TANGO6: variants seen among roughly 807,000 people sequenced by gnomAD.
The protein encoded by TANGO6 is transport and Golgi organization protein 6 homolog.
Under a neutral mutation model 114.2 loss-of-function variants are expected in TANGO6, and 90 were observed. That is an observed-to-expected ratio of 0.79 (90% confidence interval 0.66 to 0.94). The LOEUF (loss-of-function observed/expected upper bound fraction) is 0.94, where lower values mean the gene tolerates loss of function less well. Among genes scored for constraint, TANGO6 ranks in the 40% least tolerant of loss-of-function variants. The pLI, the probability that TANGO6 is intolerant of heterozygous loss-of-function variation, is 0.00. For synonymous variants in TANGO6, 477 were observed against 509.8 expected, an observed-to-expected ratio of 0.94 and a Z score of 0.87; for missense variants, 1,274 against 1,315.3, an observed-to-expected ratio of 0.97 and a Z score of 0.49.
intron 12 of TANGO6, among the ~76,000 whole-genome samples, chr16:68,924,855 A>C (rs1220137584): frequency 6.6e-6 from 1 of 151,874 alleles, no homozygotes; most frequent in Non-Finnish European, 1.5e-5. Context: ...TTCCCTGGAC[A>C]ACCCCAGGGG....
At chr16:69,019,717 T>G in intron 15 of TANGO6, among the ~76,000 whole-genome samples, 1 of 151,050 alleles carries the variant, frequency 6.6e-6, no homozygotes, top group East Asian at 1.9e-4. Flanking sequence ...CATTTTAGTT[T>G]TGTAGAGACA....
At chr16:68,955,570 G>T (rs996976061) in intron 14 of TANGO6, among the ~76,000 whole-genome samples, 13 of 152,124 alleles carry the variant, frequency 8.5e-5, no homozygotes, top group Admixed American at 2.6e-4. Flanking sequence ...GGGTCACTGG[G>T]TCAAAAATTG....
intron 7 of TANGO6, among the ~76,000 whole-genome samples, chr16:68,896,824 T>TA (rs375120099): frequency 6.6e-6 from 1 of 151,984 alleles, no homozygotes; most frequent in Admixed American, 6.6e-5. Flanking sequence ...TCTTTTCACT[T>TA]AAAAAAAAGT....
At chr16:69,009,167 C>T (rs1177953909) in intron 15 of TANGO6, among the ~76,000 whole-genome samples, 5 of 147,732 alleles carry the variant, frequency 3.4e-5, no homozygotes, top group African/African-American at 1.0e-4. Flanking sequence ...CTGAAATCTC[C>T]GCCTCACAGG....
chr16:68,882,445 C>T lies in TANGO6; in HGVS notation c.1377+1815C>T, dbSNP rs1050421142. On this transcript the variant is annotated intron_variant, in intron 7 of 17. Transcript: ENST00000261778. ...CTGGAAGGCAGAGCTTGCAGTGAGC[C>T]GAGATCGCACCACTGCACTCCAGCC... Among the ~76,000 whole-genome samples the T allele has an allele frequency of 4.6e-5, 7 of 151,226 alleles. No homozygotes were observed. In the East Asian group the frequency reaches 5.9e-4, roughly 13 times the overall value.
chr16:69,063,564 TA>T (rs1482384138), intron 17 of TANGO6, among the ~76,000 whole-genome samples: 3 of 127,992 alleles, frequency 2.3e-5, no homozygotes, highest in African/African-American at 5.8e-5. Flanking sequence ...GGGGCACCTG[TA>T]ATCCCAGCTA....
intron 17 of TANGO6, among the ~76,000 whole-genome samples, chr16:69,082,616 G>A (rs754787887): frequency 5.2e-4 from 79 of 152,002 alleles, no homozygotes; most frequent in Non-Finnish European, 8.1e-4. Context: ...GTGGTGGTGC[G>A]CACCTGTAGT....
At chr16:68,923,199 C>G (rs1337495769) in intron 12 of TANGO6, among the ~76,000 whole-genome samples, 1 of 151,194 alleles carries the variant, frequency 6.6e-6, no homozygotes, top group African/African-American at 2.4e-5. Context: ...CTCAGGTGAT[C>G]TGCCCGCTTC....
intron 15 of TANGO6, among the ~76,000 whole-genome samples, chr16:68,979,401 T>C (rs911189699): frequency 2.0e-5 from 3 of 152,012 alleles, no homozygotes. Flanking sequence ...AACTAATTTT[T>C]GTATTTTTAG....
intron 7 of TANGO6, among the ~76,000 whole-genome samples, chr16:68,892,761 C>T (rs1405418465): frequency 4.6e-5 from 7 of 152,092 alleles, no homozygotes; most frequent in Non-Finnish European, 7.4e-5. Context: ...GCAATCTGCC[C>T]GCCTTGGCCT....
At chr16:68,951,533 GC>G (rs1963471440) in intron 14 of TANGO6, among the ~76,000 whole-genome samples, 1 of 151,880 alleles carries the variant, frequency 6.6e-6, no homozygotes. Flanking sequence ...CAAAGCCAAG[GC>G]CCTTATTTAT....
chr16:69,027,715 C>G (rs1231388298), intron 16 of TANGO6, among the ~76,000 whole-genome samples: 2 of 151,896 alleles, frequency 1.3e-5, no homozygotes, highest in Non-Finnish European at 2.9e-5. Context: ...TCACATAACC[C>G]AAACCAAACT....
chr16:68,913,791 C>A (rs1253150041), intron 11 of TANGO6, among the ~76,000 whole-genome samples: 1 of 151,946 alleles, frequency 6.6e-6, no homozygotes, highest in African/African-American at 2.4e-5. Context: ...ACAGGAAGCA[C>A]CAGATAAGCT....
At chr16:68,950,058 A>G (rs568847527) in intron 14 of TANGO6, among the ~76,000 whole-genome samples, 72 of 152,354 alleles carry the variant, frequency 4.7e-4, no homozygotes, top group Middle Eastern at 3.4e-3. Flanking sequence ...GTGTTGTATG[A>G]TTCCTATATG....
chr16:68,870,276 G>C (rs1423653157), intron 4 of TANGO6, among the ~76,000 whole-genome samples: 1 of 152,150 alleles, frequency 6.6e-6, no homozygotes, highest in Non-Finnish European at 1.5e-5. Context: ...AGAAGGAAGA[G>C]AGCTAGAAGA....
At chr16:69,021,988 C>A (rs1181604460) in intron 15 of TANGO6, among the ~76,000 whole-genome samples, 1 of 151,222 alleles carries the variant, frequency 6.6e-6, no homozygotes. Flanking sequence ...CGGGTTCAGG[C>A]CATTCTCCTA....
At chr16:68,995,011 T>C (rs548870331) in intron 15 of TANGO6, among the ~76,000 whole-genome samples, 2 of 152,354 alleles carry the variant, frequency 1.3e-5, no homozygotes, top group Non-Finnish European at 2.9e-5. Context: ...TCTCTCTGTC[T>C]CTTTAAAACA....
chr16:68,939,201 C>G (rs2152201147), intron 14 of TANGO6, among the ~76,000 whole-genome samples: 1 of 151,546 alleles, frequency 6.6e-6, no homozygotes, highest in Non-Finnish European at 1.5e-5. Flanking sequence ...GAGCCCAAGA[C>G]TAAGGGCAAC....
rs759095866 is a variant in TANGO6, at chr16:68,882,496, CAA to C, written c.1377+1878_1377+1879del. Among the ~76,000 whole-genome samples the C allele has an allele frequency of 1.3e-4, 16 of 121,690 alleles. No individual in the cohort carries two copies. In the South Asian group the frequency reaches 2.3e-3, roughly 17 times the overall value. The allele number at this position is 121,690 out of a possible 152,430, so 79.8% of individuals were successfully genotyped here. A position where few individuals can be genotyped will look rare whatever the true frequency, so the allele number is the denominator to read the frequency against. Reference sequence around the variant, plus strand: ...TGGGTGACAGAGCGAGACTCCGTCTCAAAAAAAAAAAAAGAAAACGTGTTCAT... The same window carrying C: ...TGGGTGACAGAGCGAGACTCCGTCTCAAAAAAAAAAAGAAAACGTGTTCAT... On this transcript the variant is annotated intron_variant, in intron 7 of 17. Transcript: ENST00000261778.
Sources: gnomAD v4.1 joint callset for allele counts (sites outside exome capture counted in the v4.1 genomes callset) on GRCh38, gnomAD v4.1.1 for gene constraint, MANE v1.5 for transcripts, NCBI Gene and HGNC (gene_info 2026-07-23, HGNC 2026-07-21) for gene names.